TENM3: variants seen among roughly 807,000 people sequenced by gnomAD.
TENM3 encodes the protein teneurin-3.
A neutral mutation model predicts 255.1 loss-of-function variants in TENM3; 63 were observed. The observed-to-expected ratio is 0.25, with a 90% CI of 0.20 to 0.30. The LOEUF (loss-of-function observed/expected upper bound fraction) is 0.30, where lower values mean the gene tolerates loss of function less well. TENM3 is among the 10% of genes least tolerant of loss of function. TENM3 has a pLI of 1.00. For synonymous variants in TENM3, 1,306 were observed against 1,322.3 expected, an observed-to-expected ratio of 0.99 and a Z score of 0.27; for missense variants, 2,929 against 3,461.1, an observed-to-expected ratio of 0.85 and a Z score of 3.86.
At chr4:181,665,405 A>T in the TENM3 span, among the ~76,000 whole-genome samples, 1 of 152,184 alleles carries the variant, frequency 6.6e-6, no homozygotes, top group Non-Finnish European at 1.5e-5. Context: ...ATTCTGTGCC[A>T]TCCTTCCAAA....
chr4:182,106,879 G>A, the TENM3 span, among the ~76,000 whole-genome samples: 1 of 152,160 alleles, frequency 6.6e-6, no homozygotes, highest in Non-Finnish European at 1.5e-5. Flanking sequence ...CACCAAGGGT[G>A]AGATAATATC....
At chr4:182,248,945 T>C (rs1403282034) in intron 1 of TENM3, among the ~76,000 whole-genome samples, 2 of 152,218 alleles carry the variant, frequency 1.3e-5, no homozygotes, top group Non-Finnish European at 2.9e-5. Context: ...GTAATAGCAA[T>C]AGGACAATAA....
At chr4:181,983,673 G>A in the TENM3 span, among the ~76,000 whole-genome samples, 2 of 152,158 alleles carry the variant, frequency 1.3e-5, no homozygotes, top group East Asian at 3.9e-4. Context: ...TTTCTGTTAT[G>A]CATCAACCAT....
intron 3 of TENM3, among the ~76,000 whole-genome samples, chr4:182,597,178 G>A (rs567298942): frequency 6.6e-6 from 1 of 152,282 alleles, no homozygotes; most frequent in South Asian, 2.1e-4. Context: ...CTCCGCGGGA[G>A]GATCGCTTGA....
the TENM3 span, among the ~76,000 whole-genome samples, chr4:181,937,299 G>A: frequency 6.6e-6 from 1 of 152,206 alleles, no homozygotes; most frequent in Non-Finnish European, 1.5e-5. Context: ...AAGAGGAAGA[G>A]TTTGCTTTTG....
intron 24 of TENM3, among the ~76,000 whole-genome samples, chr4:182,775,451 T>TCTGGAAGATGGTC (rs1361379040): frequency 6.6e-6 from 1 of 152,148 alleles, no homozygotes; most frequent in African/African-American, 2.4e-5. Context: ...ATCTTCCAGG[T>TCTGGAAGATGGTC]CACTTTCACA....
At chr4:182,267,392 T>A (rs181099733) in intron 1 of TENM3, among the ~76,000 whole-genome samples, 70 of 152,306 alleles carry the variant, frequency 4.6e-4, no homozygotes, top group Non-Finnish European at 8.4e-4. Context: ...GAAAAAGTGA[T>A]TATTTTGCCA....
the TENM3 span, among the ~76,000 whole-genome samples, chr4:181,719,962 A>C: frequency 1.3e-5 from 2 of 152,126 alleles, no homozygotes; most frequent in East Asian, 3.9e-4. Context: ...TGCATGTTTC[A>C]TTTGTTTTAT....
chr4:182,315,893 T>C (rs1015167946), intron 1 of TENM3, among the ~76,000 whole-genome samples: 9 of 152,178 alleles, frequency 5.9e-5, no homozygotes, highest in African/African-American at 1.7e-4. Flanking sequence ...ATTCAGTATA[T>C]TTTTTATCTC....
At chr4:182,119,159 A>C in the TENM3 span, among the ~76,000 whole-genome samples, 1 of 152,136 alleles carries the variant, frequency 6.6e-6, no homozygotes, top group East Asian at 1.9e-4. Context: ...CCCCAGGTAG[A>C]TTAGGCTCTG....
the TENM3 span, among the ~76,000 whole-genome samples, chr4:181,973,313 C>T: frequency 6.6e-6 from 1 of 152,096 alleles, no homozygotes. Context: ...CCTCTGGTAT[C>T]TAGGGTGGAT....
the TENM3 span, among the ~76,000 whole-genome samples, chr4:181,634,502 G>A: frequency 6.7e-6 from 1 of 149,578 alleles, no homozygotes; most frequent in Middle Eastern, 3.6e-3. Flanking sequence ...CAAACCATAT[G>A]TTATCAGTTT....
chr4:182,675,776 ATTGTG>A (rs1755618760), intron 7 of TENM3, among the ~76,000 whole-genome samples: 1 of 152,322 alleles, frequency 6.6e-6, no homozygotes, highest in East Asian at 1.9e-4. Context: ...AGAATTGTCT[ATTGTG>A]TTGTGTACTT....
At chr4:182,346,975 G>A (rs1460386866) in intron 3 of TENM3, 46 bp downstream of exon 3, 3 of 1,310,524 alleles carry the variant, frequency 2.3e-6, no homozygotes, top group African/African-American at 3.3e-5. Context: ...CAGTGCTTCT[G>A]TCTGTTTTGG....
At chr4:182,794,957 T>C (rs1048245693) in intron 26 of TENM3, among the ~76,000 whole-genome samples, 2 of 151,658 alleles carry the variant, frequency 1.3e-5, no homozygotes, top group African/African-American at 4.9e-5. Context: ...TCTTTTTTTT[T>C]TGGGCTTGAT....
At chr4:181,824,445 C>T in the TENM3 span, among the ~76,000 whole-genome samples, 2 of 152,098 alleles carry the variant, frequency 1.3e-5, no homozygotes, top group Non-Finnish European at 2.9e-5. Flanking sequence ...GTCCAATATG[C>T]ATATTGTAAG....
chr4:182,697,118 CTTG>C (rs907240899), intron 12 of TENM3, among the ~76,000 whole-genome samples: 13 of 152,274 alleles, frequency 8.5e-5, no homozygotes, highest in South Asian at 2.1e-4. Flanking sequence ...ATAGATGTTT[CTTG>C]TTGTTGTTGT....
chr4:181,888,762 A>C, the TENM3 span, among the ~76,000 whole-genome samples: 1 of 150,672 alleles, frequency 6.6e-6, no homozygotes, highest in African/African-American at 2.4e-5. Context: ...GGTCCGTTGG[A>C]GGAGGGGGGA....
At position 182,743,545 on chromosome 4, in the gene TENM3, A is replaced by G. The variant is rs78941996; in HGVS notation, c.3629+126A>G. On this transcript the variant is annotated intron_variant, in intron 19 of 27. Transcript: ENST00000511685. The stretch of plus-strand genomic sequence containing the variant: ...TCCTAAGGTTTAAAATTTCCCCCAG[A>G]AAGAAGTCAAATTCTTGCTTAAAGT... The G allele has an allele frequency of 3.6e-3, 3,743 of 1,051,916 alleles. 101 individuals carry two copies. In the African/African-American group the frequency reaches 0.053, roughly 15 times the overall value. 65.2% of individuals were successfully genotyped at this position (1,051,916 alleles called of 1,614,324 possible).
Sources: allele counts gnomAD v4.1 joint callset (sites outside exome capture counted in the v4.1 genomes callset), GRCh38; gene constraint gnomAD v4.1.1; transcripts MANE v1.5; gene names NCBI Gene and HGNC (gene_info 2026-07-23, HGNC 2026-07-21).